SCARF1: variants seen among roughly 807,000 people sequenced by gnomAD.
SCARF1 encodes the protein scavenger receptor class F member 1, also known as acetyl LDL receptor.
A neutral mutation model predicts 76.3 loss-of-function variants in SCARF1; 49 were observed. That is an observed-to-expected ratio of 0.64 (90% CI 0.51 to 0.81). The LOEUF (loss-of-function observed/expected upper bound fraction) is 0.81, where lower values mean the gene tolerates loss of function less well. Ranked by LOEUF, SCARF1 falls within the 40% of genes least tolerant of loss-of-function variation. The pLI is 0.00. For missense variants in SCARF1, 1,098 were observed against 1,143.9 expected (o/e 0.96, Z 0.58); for synonymous variants, 495 against 474.6 (o/e 1.04, Z -0.56).
At position 1,638,895 on chromosome 17, in the gene SCARF1, C is replaced by T. The variant is rs1323437181; in HGVS notation, c.1275G>A (p.Ala425=). The change falls in exon 8 of 11, where the codon GCG becomes GCA. Residue 425 remains alanine (A), a synonymous_variant. Transcript: ENST00000263071. ...GSGSRDTALI[A]GSLVPLLLLF... is the part of the protein sequence containing the mutation. ...GCAGCAGCAGAGGCACAAGGCTGCCCGCGATGAGGGCAGTGTCCCGACTGC... is the reference window on the plus strand; with the variant it reads ...GCAGCAGCAGAGGCACAAGGCTGCCTGCGATGAGGGCAGTGTCCCGACTGC... 8.1e-6 allele frequency: 13 copies of T among 1,609,604 alleles called. No homozygotes were observed. In the African/African-American group the frequency reaches 9.3e-5, roughly 12 times the overall value.
Position 1,640,159 on chromosome 17 carries a change from A to T in SCARF1, c.1011-119T>A. 1 of 1,235,342 alleles carries T rather than the reference A, an allele frequency of 8.1e-7. No individual in the cohort carries two copies. The allele number at this position is 1,235,342 out of a possible 1,614,324, so 76.5% of individuals were successfully genotyped here. A position where few individuals can be genotyped will look rare whatever the true frequency, so the allele number is the denominator to read the frequency against. On this transcript the variant is annotated intron_variant, in intron 5 of 10. Transcript: ENST00000263071. The surrounding 1 kb of genome is among the most constrained non-coding windows in gnomAD (Gnocchi z 4.7). ...AGGACCCAACTGGCCACTCCTCAGC[A>T]GTGAAGCTCAGGTGCAAATAGGGCC...
chr17:1,640,314 G>T lies in SCARF1; in HGVS notation c.1010+134C>A. 1 of 900,918 alleles carries T rather than the reference G, an allele frequency of 1.1e-6. No homozygotes were observed. The highest frequency in any genetic ancestry group is 1.7e-6 in the Non-Finnish European group (1 of 596,470). The allele number at this position is 900,918 out of a possible 1,614,324, so 55.8% of individuals were successfully genotyped here. A position where few individuals can be genotyped will look rare whatever the true frequency, so the allele number is the denominator to read the frequency against. On this transcript the variant is annotated intron_variant, in intron 5 of 10. Transcript: ENST00000263071. This position sits in a 1 kb window ranked among gnomAD's most constrained non-coding sequence, Gnocchi z 4.7. ...CCCCAGAACCCACTGCTCTCCCCCA[G>T]TCTTCAACAGGAGGGAGGCCCCTGG...
Position 1,639,731 on chromosome 17 carries a change from G to A in SCARF1, c.1151C>T (p.Ser384Phe), listed in dbSNP as rs775587822. 55 of 1,601,352 alleles carry A rather than the reference G, an allele frequency of 3.4e-5. No individual in the cohort carries two copies. Among genetic ancestry groups the A allele is most frequent in the Non-Finnish European group, 4.4e-5 (52 of 1,174,494 alleles). ...AGYWGPSCNA[S>F]CPAGFHGNNC... ...GTTTCCATGGAAACCGGCTGGGCAG[G>A]AGGCGTTGCAGCTATGGAGTGACAT... The change falls in exon 7 of 11, where the codon TCC becomes TTC. Residue 384 changes from serine (S) to phenylalanine (F), a missense_variant. By Grantham distance (155) the Ser-to-Phe change is radical. Coordinates refer to ENST00000263071, the MANE Select transcript of SCARF1 (RefSeq NM_003693.4).
chr17:1,639,454 GACATC>G (rs1035227628), intron 7 of SCARF1, among the ~76,000 whole-genome samples, 180 bp downstream of exon 7: 66 of 150,324 alleles, frequency 4.4e-4, no homozygotes, highest in African/African-American at 1.6e-3. Flanking sequence ...GCAGTGAGCT[GACATC>G]ACACCACTGC....
At position 1,640,805 on chromosome 17, in the gene SCARF1, C is replaced by T; in HGVS notation, c.792-139G>A. The T allele has an allele frequency of 1.4e-6, 1 of 713,286 alleles. No homozygotes were observed. The highest frequency in any genetic ancestry group is 2.4e-6 in the Non-Finnish European group (1 of 413,074). The allele number at this position is 713,286 out of a possible 1,614,324, so 44.2% of individuals were successfully genotyped here. Reference sequence around the variant, plus strand: ...CCACCTGGGTCAGGCAGGTTTGAGCCTCAGTTTCCCCACGTTGTACAATGA... The same window carrying T: ...CCACCTGGGTCAGGCAGGTTTGAGCTTCAGTTTCCCCACGTTGTACAATGA... On this transcript the variant is annotated intron_variant, in intron 4 of 10. Coordinates refer to ENST00000263071, the MANE Select transcript of SCARF1 (RefSeq NM_003693.4). This position sits in a 1 kb window ranked among gnomAD's most constrained non-coding sequence, Gnocchi z 4.7.
chr17:1,636,165 T>A (rs1470220374), intron 10 of SCARF1, among the ~76,000 whole-genome samples: 1 of 152,276 alleles, frequency 6.6e-6, no homozygotes, highest in East Asian at 1.9e-4. Context: ...CACCCCAACA[T>A]GGCTAGCAAA....
chr17:1,636,630 A>T, intron 10 of SCARF1, 79 bp downstream of exon 10: 1 of 1,505,590 alleles, frequency 6.6e-7, no homozygotes, highest in Non-Finnish European at 9.0e-7. Context: ...ATAAAAATAA[A>T]TAACTTTGCT....
intron 4 of SCARF1, among the ~76,000 whole-genome samples, chr17:1,641,462 G>A (rs752490853): frequency 2.0e-5 from 3 of 152,194 alleles, no homozygotes; most frequent in Non-Finnish European, 2.9e-5. Context: ...AGATTACAGT[G>A]TAATAATAGA....
At position 1,643,634 on chromosome 17, in the gene SCARF1, G is replaced by C. The variant is rs1910282718; in HGVS notation, c.599C>G (p.Pro200Arg). The change falls in exon 4 of 11, where the codon CCG (proline) becomes CGG (arginine). Residue 200 changes from proline (P) to arginine (R), a missense_variant. By Grantham distance (103) the Pro-to-Arg change is moderately radical. Coordinates refer to ENST00000263071, the MANE Select transcript of SCARF1 (RefSeq NM_003693.4). Reference protein sequence around the residue: ...CSFRCNCHGSPCEQDSGRCAC... With the variant: ...CSFRCNCHGSRCEQDSGRCAC... The stretch of plus-strand genomic sequence containing the variant: ...GCAGCGGCCGGAGTCCTGCTCGCAC[G>C]GGGAGCCGTGGCAGTTGCAGCGGAA... The C allele has an allele frequency of 2.0e-6, 3 of 1,471,468 alleles. No individual in the cohort carries two copies. The highest frequency in any genetic ancestry group is 2.7e-6 in the Non-Finnish European group (3 of 1,119,214). The allele number at this position is 1,471,468 out of a possible 1,614,324, so 91.2% of individuals were successfully genotyped here.
rs1909580437 is a variant in SCARF1 at position 1,636,636 on chromosome 17, T to A, written c.1633+73A>T. ...CAAAAAAAAATAAAAATAAATAACT[T>A]TGCTGGAGGACTAAAGAGGGGGTCG... is the stretch of plus-strand genomic sequence containing the variant. On this transcript the variant is annotated intron_variant, in intron 10 of 10. Coordinates refer to ENST00000263071, the MANE Select transcript of SCARF1 (RefSeq NM_003693.4). The A allele has an allele frequency of 2.6e-6, 4 of 1,524,860 alleles. No individual in the cohort carries two copies. The Admixed American group carries it at 8.1e-5, about 31-fold the overall frequency. 94.5% of individuals were successfully genotyped at this position (1,524,860 alleles called of 1,614,324 possible).
rs569682010 is a variant in SCARF1 at position 1,635,052 on chromosome 17, G to A, written c.2199C>T (p.Arg733=). The part of the protein sequence containing the change: ...KVKRAIPKPP[R]QALNRKKGSP... ...TGCCCTTTTTCCGATTCAGGGCCTG[G>A]CGCGGAGGCTTAGGGATGGCCCTCT... Residue 733 remains arginine, a synonymous_variant, in exon 11 of 11, where the codon CGC becomes CGT. Coordinates refer to ENST00000263071, the MANE Select transcript of SCARF1 (RefSeq NM_003693.4). 1.2e-6 allele frequency: 2 copies of A among 1,612,384 alleles called. No individual in the cohort carries two copies. Among genetic ancestry groups the A allele is most frequent in the African/African-American group, 2.7e-5 (2 of 74,926 alleles).
In SCARF1 at chr17:1,643,766, G is replaced by A. The variant is rs1489133707; in HGVS notation, c.467C>T (p.Ser156Leu). The A allele has an allele frequency of 1.6e-5, 21 of 1,283,736 alleles. No homozygotes were observed. The highest frequency in any genetic ancestry group is 2.1e-5 in the Non-Finnish European group (21 of 1,019,590). The allele number at this position is 1,283,736 out of a possible 1,614,324, so 79.5% of individuals were successfully genotyped here. The change falls in exon 4 of 11, where the codon TCG (serine) becomes TTG (leucine). Residue 156 changes from serine (S) to leucine (L), a missense_variant. Ser to Leu is a moderately radical substitution (Grantham distance 145). Coordinates refer to ENST00000263071, the MANE Select transcript of SCARF1 (RefSeq NM_003693.4). ...GVCHCEPGWW[S>L]STCRRPCQCN... ...CTGGCACGGGCGGCGGCACGTGGAC[G>A]ACCACCAGCCGGGTTCGCAGTGGCA... is the stretch of plus-strand genomic sequence containing the variant.
rs1909936537 is a variant in SCARF1 at position 1,640,332 on chromosome 17, G to A, written c.1010+116C>T. On this transcript the variant is annotated intron_variant, in intron 5 of 10. Coordinates refer to ENST00000263071, the MANE Select transcript of SCARF1 (RefSeq NM_003693.4). The surrounding 1 kb of genome is among the most constrained non-coding windows in gnomAD (Gnocchi z 4.7). ...TCCCCCAGTCTTCAACAGGAGGGAG[G>A]CCCCTGGGGCCGCATGAACCTGTGT... The A allele has an allele frequency of 1.0e-6, 1 of 1,004,162 alleles. No individual in the cohort carries two copies. The allele number at this position is 1,004,162 out of a possible 1,614,324, so 62.2% of individuals were successfully genotyped here.
In SCARF1 at chr17:1,643,426, C is replaced by CA; in HGVS notation, c.791+15_791+16insT. On this transcript the variant is annotated intron_variant, in intron 4 of 10. Transcript: ENST00000263071. ...CCCGCCCCGCCAGCCCACCTGTCCC[C>CA]GCCCCGCCCGCTCACCTGTGTGCGC... 1 of 1,222,506 alleles carries CA rather than the reference C, an allele frequency of 8.2e-7. No homozygotes were observed. The highest frequency in any genetic ancestry group is 1.6e-5 in the African/African-American group (1 of 61,438). The allele number at this position is 1,222,506 out of a possible 1,614,324, so 75.7% of individuals were successfully genotyped here.
At chr17:1,639,550 G>T in intron 7 of SCARF1, 89 bp downstream of exon 7, 2 of 802,452 alleles carry the variant, frequency 2.5e-6, no homozygotes, top group South Asian at 1.5e-5. Context: ...AGTGGGCCCA[G>T]ACTCCCTGGT....
At chr17:1,637,368 CTA>C (rs779774986) in intron 8 of SCARF1, among the ~76,000 whole-genome samples, 16,732 of 127,662 alleles carry the variant, frequency 0.13, 992 homozygotes, top group African/African-American at 0.18. Flanking sequence ...ATCTATCTAT[CTA>C]TATCTATCCA....
At position 1,645,535 on chromosome 17, in the gene SCARF1, C is replaced by T. The variant is rs774727942; in HGVS notation, c.101+62G>A. 8.3e-6 allele frequency: 13 copies of T among 1,562,054 alleles called. No homozygotes were observed. The highest frequency in any genetic ancestry group is 4.8e-5 in the East Asian group (2 of 41,950). On this transcript the variant is annotated intron_variant, in intron 1 of 10. Transcript: ENST00000263071. This position sits in a 1 kb window ranked among gnomAD's most constrained non-coding sequence, Gnocchi z 6.3. Reference sequence around the variant, plus strand: ...CGGCCTCAACACCGGTTCAGCCACCCGCATCAGACTCCCACGAGACCCACC... The same window carrying T: ...CGGCCTCAACACCGGTTCAGCCACCTGCATCAGACTCCCACGAGACCCACC...
chr17:1,637,462 TTCTCTC>T (rs142680719), intron 8 of SCARF1, among the ~76,000 whole-genome samples: 1 of 148,790 alleles, frequency 6.7e-6, no homozygotes, highest in African/African-American at 2.5e-5. Context: ...CAGCTCACGT[TTCTCTC>T]TCTCTCTCTC....
intron 8 of SCARF1, chr17:1,638,026 A>C (rs937677576): frequency 1.3e-5 from 2 of 152,238 alleles, no homozygotes; most frequent in African/African-American, 4.8e-5. Flanking sequence ...AGGAACTAGT[A>C]AGAGAGCACC....
Sources: allele counts gnomAD v4.1 joint callset (sites outside exome capture counted in the v4.1 genomes callset), GRCh38; gene constraint gnomAD v4.1.1; non-coding constraint Gnocchi (gnomAD v3.1); transcripts MANE v1.5; gene names NCBI Gene and HGNC (gene_info 2026-07-23, HGNC 2026-07-21).